The following NEGR1 variants were observed in gnomAD, a reference collection of about 807,000 sequenced individuals.
The protein encoded by NEGR1 is neuronal growth regulator 1, also known as IgLON family member 4.
NEGR1 carries 10 observed loss-of-function variants against 40.9 expected under a neutral mutation model. The observed-to-expected ratio is 0.24, with a 90% CI of 0.15 to 0.42. The LOEUF (loss-of-function observed/expected upper bound fraction) is 0.42, where lower values mean the gene tolerates loss of function less well. Among genes scored for constraint, NEGR1 ranks in the 10% least tolerant of loss-of-function variants. NEGR1 has a pLI of 1.00. For missense variants in NEGR1, 352 were observed against 438.9 expected, an observed-to-expected ratio of 0.80 and a Z score of 1.77; for synonymous variants, 185 against 166.8, an observed-to-expected ratio of 1.11 and a Z score of -0.84.
chr1:71,987,605 A>G (rs1398723599), intron 1 of NEGR1, among the ~76,000 whole-genome samples: 1 of 152,200 alleles, frequency 6.6e-6, no homozygotes, highest in Non-Finnish European at 1.5e-5. Flanking sequence ...ATTTGATTGC[A>G]TGGGGTTAGA....
chr1:71,797,692 T>C (rs1036533808), intron 2 of NEGR1, among the ~76,000 whole-genome samples: 1 of 152,168 alleles, frequency 6.6e-6, no homozygotes, highest in Non-Finnish European at 1.5e-5. Flanking sequence ...AAGCAGTCTT[T>C]CCTGTTTTCT....
At position 72,092,436 on chromosome 1, in the gene NEGR1, T is replaced by C. The variant is rs113095408; in HGVS notation, c.177-157125A>G. On this transcript the variant is annotated intron_variant, in intron 1 of 6. Transcript: ENST00000357731. ...AAAATTTCTAGCTGAACCAGAAATT[T>C]ATCTATTTATTGACTTTTTTTTCTG... is the stretch of plus-strand genomic sequence containing the variant. Among the ~76,000 whole-genome samples, 1,472 of 152,212 alleles carry C rather than the reference T, an allele frequency of 9.7e-3. 32 individuals carry two copies. The highest frequency in any genetic ancestry group is 0.034 in the African/African-American group (1,409 of 41,536).
chr1:71,763,934 G>T (rs1283724051), intron 3 of NEGR1, among the ~76,000 whole-genome samples: 1 of 152,090 alleles, frequency 6.6e-6, no homozygotes, highest in Non-Finnish European at 1.5e-5. Flanking sequence ...CATTGGTTCA[G>T]CAATCTTTAC....
chr1:72,159,083 TACTAAAGTTTAG>T (rs1275439376), intron 1 of NEGR1, among the ~76,000 whole-genome samples: 2 of 152,180 alleles, frequency 1.3e-5, no homozygotes, highest in Admixed American at 6.6e-5. Context: ...CCTACATATC[TACTAAAGTTTAG>T]ACATGAGCAT....
intron 6 of NEGR1, among the ~76,000 whole-genome samples, chr1:71,549,304 A>G (rs1431117316): frequency 6.6e-6 from 1 of 151,738 alleles, no homozygotes; most frequent in Non-Finnish European, 1.5e-5. Flanking sequence ...CTGTGAGACT[A>G]GATTAACCGT....
intron 1 of NEGR1, among the ~76,000 whole-genome samples, chr1:72,195,823 T>A (rs897609763): frequency 3.3e-5 from 5 of 152,048 alleles, no homozygotes; most frequent in African/African-American, 1.2e-4. Flanking sequence ...TAAGGTGTTA[T>A]ATATAGTGTA....
intron 5 of NEGR1, among the ~76,000 whole-genome samples, chr1:71,601,502 G>T (rs567519880): frequency 6.6e-6 from 1 of 152,280 alleles, no homozygotes; most frequent in Admixed American, 6.5e-5. Context: ...AAAGCCACTT[G>T]CACTTGTATG....
chr1:71,796,843 G>T (rs923557109), intron 2 of NEGR1, among the ~76,000 whole-genome samples: 7 of 152,114 alleles, frequency 4.6e-5, no homozygotes, highest in African/African-American at 1.7e-4. Context: ...ACTTCCGGAG[G>T]AGTTGAGAGA....
intron 1 of NEGR1, among the ~76,000 whole-genome samples, chr1:72,229,521 C>A (rs1477898289): frequency 6.7e-6 from 1 of 148,972 alleles, no homozygotes; most frequent in African/African-American, 2.4e-5. Context: ...ATTTTTATTG[C>A]AAAAACAGCA....
intron 4 of NEGR1, among the ~76,000 whole-genome samples, chr1:71,661,412 T>C (rs1652050428): frequency 6.6e-6 from 1 of 152,202 alleles, no homozygotes; most frequent in African/African-American, 2.4e-5. Context: ...TTTAACTGTA[T>C]AATGTAAAGG....
chr1:72,017,373 T>C (rs1429305768), intron 1 of NEGR1, among the ~76,000 whole-genome samples: 1 of 152,096 alleles, frequency 6.6e-6, no homozygotes, highest in Non-Finnish European at 1.5e-5. Context: ...CATTATTTCT[T>C]TACAAAATTA....
intron 6 of NEGR1, among the ~76,000 whole-genome samples, chr1:71,480,937 A>G (rs1646850300): frequency 6.6e-6 from 1 of 151,938 alleles, no homozygotes; most frequent in South Asian, 2.1e-4. Context: ...TTGGGTACTG[A>G]GTCTGATCTG....
intron 1 of NEGR1, among the ~76,000 whole-genome samples, chr1:71,962,364 G>A (rs1646172511): frequency 6.6e-6 from 1 of 151,984 alleles, no homozygotes; most frequent in Non-Finnish European, 1.5e-5. Context: ...ATTTGCTTTT[G>A]CATATTCTTC....
intron 6 of NEGR1, among the ~76,000 whole-genome samples, chr1:71,508,327 A>G (rs72936165): frequency 0.04 from 6,111 of 152,218 alleles, 404 homozygotes; most frequent in African/African-American, 0.14. Context: ...AAGAGACCCC[A>G]GGAGGGAGGG....
chr1:71,742,857 C>T (rs1446507630), intron 3 of NEGR1, among the ~76,000 whole-genome samples: 2 of 152,090 alleles, frequency 1.3e-5, no homozygotes, highest in African/African-American at 2.4e-5. Context: ...AGGTCAGAGG[C>T]CAGATCTTAT....
chr1:71,722,328 T>A (rs575013605), intron 3 of NEGR1, among the ~76,000 whole-genome samples: 130 of 152,280 alleles, frequency 8.5e-4, no homozygotes, highest in African/African-American at 3.0e-3. Context: ...TTCAGAAATA[T>A]GGTAAATTAT....
chr1:72,163,747 T>C (rs974550314), intron 1 of NEGR1, among the ~76,000 whole-genome samples: 1 of 117,636 alleles, frequency 8.5e-6, no homozygotes, highest in Non-Finnish European at 1.7e-5. Context: ...GATAGATAGA[T>C]AGATAGATAG....
intron 6 of NEGR1, among the ~76,000 whole-genome samples, chr1:71,513,719 G>A (rs997646356): frequency 2.0e-5 from 3 of 152,174 alleles, no homozygotes; most frequent in Non-Finnish European, 2.9e-5. Context: ...CAAGATGGCC[G>A]AATAGGAACA....
At chr1:71,440,996 A>G (rs1225140026) in intron 6 of NEGR1, among the ~76,000 whole-genome samples, 1 of 152,150 alleles carries the variant, frequency 6.6e-6, no homozygotes, top group Non-Finnish European at 1.5e-5. Context: ...TAAAAGACAG[A>G]ATTTATAGGG....
Sources: allele counts gnomAD v4.1 joint callset (sites outside exome capture counted in the v4.1 genomes callset), GRCh38; gene constraint gnomAD v4.1.1; transcripts MANE v1.5; gene names NCBI Gene and HGNC (gene_info 2026-07-23, HGNC 2026-07-21).